The following TXNDC11 variants were observed in gnomAD, a reference collection of about 807,000 sequenced individuals.
TXNDC11 encodes the protein thioredoxin domain containing 11.
A neutral mutation model predicts 78.0 loss-of-function variants in TXNDC11; 68 were observed. The ratio of observed to expected loss-of-function variants is 0.87; its 90% CI spans 0.72 to 1.07. The LOEUF (loss-of-function observed/expected upper bound fraction) is 1.07. Ranked by LOEUF, TXNDC11 falls within the 50% of genes least tolerant of loss-of-function variation. TXNDC11 has a pLI of 0.00. For missense variants in TXNDC11, 1,389 were observed against 1,221.8 expected, an observed-to-expected ratio of 1.14 and a Z score of -2.04; for synonymous variants, 571 against 495.2, an observed-to-expected ratio of 1.15 and a Z score of -2.03.
At chr16:11,717,108 G>GA (rs200390869) in intron 5 of TXNDC11, among the ~76,000 whole-genome samples, 2,969 of 132,602 alleles carry the variant, frequency 0.022, 37 homozygotes, top group Non-Finnish European at 0.027. Context: ...AGATTTTCAG[G>GA]AAAAAAAAAA....
intron 5 of TXNDC11, chr16:11,703,631 G>A: frequency 1.4e-6 from 1 of 700,774 alleles, no homozygotes; most frequent in Non-Finnish European, 2.6e-6. Context: ...CTACTGAGAA[G>A]ACCTAGAAGT....
chr16:11,702,858 C>T (rs976971625), intron 5 of TXNDC11, among the ~76,000 whole-genome samples: 5 of 152,110 alleles, frequency 3.3e-5, no homozygotes, highest in Non-Finnish European at 7.3e-5. Context: ...GAGTGGCCGA[C>T]AAGGATGAGG....
chr16:11,721,535 T>G, intron 5 of TXNDC11, 42 bp downstream of exon 5: 2 of 1,113,264 alleles, frequency 1.8e-6, no homozygotes, highest in Non-Finnish European at 2.7e-6. Flanking sequence ...TAAGTAACAA[T>G]TCTACTGAAG....
At chr16:11,712,579 A>T (rs1012610535) in intron 5 of TXNDC11, among the ~76,000 whole-genome samples, 5 of 152,210 alleles carry the variant, frequency 3.3e-5, no homozygotes, top group African/African-American at 1.2e-4. Context: ...GAATTATTTA[A>T]TAAGAAATCG....
At chr16:11,681,998 TCAA>T (rs2050437361) in intron 11 of TXNDC11, among the ~76,000 whole-genome samples, 1 of 152,236 alleles carries the variant, frequency 6.6e-6, no homozygotes, top group Non-Finnish European at 1.5e-5. Context: ...TGTTAACACC[TCAA>T]CATTTTCCCC....
At chr16:11,734,175 TCTCA>T in intron 2 of TXNDC11, 96 bp from the exon 3 acceptor site, 2 of 820,896 alleles carry the variant, frequency 2.4e-6, no homozygotes, top group South Asian at 3.0e-5. Flanking sequence ...ATGATTCCTC[TCTCA>T]CTGAAACAGA....
chr16:11,687,869 A>G lies in TXNDC11; in HGVS notation c.2141T>C (p.Phe714Ser). The change falls in exon 10 of 12, where the codon TTC (phenylalanine) becomes TCC (serine). Residue 714 changes from phenylalanine (F) to serine (S), a missense_variant. Coordinates refer to ENST00000283033, the MANE Select transcript of TXNDC11 (RefSeq NM_015914.7). ...GAGGCCTGCTTACCTTGCCACAGTG[A>G]ATGTGTCCATGGGCAGGTTCCGAGC... ...QLARNLPMDT[F>S]TVARIDVSQN... 6.2e-7 allele frequency: 1 copy of G among 1,612,658 alleles called. No individual in the cohort carries two copies. Among genetic ancestry groups the G allele is most frequent in the South Asian group, 1.1e-5 (1 of 90,994 alleles).
chr16:11,701,157 G>A (rs1319853059), intron 5 of TXNDC11, among the ~76,000 whole-genome samples: 2 of 82,600 alleles, frequency 2.4e-5, no homozygotes, highest in East Asian at 7.8e-4. Context: ...TTTTTTTTGA[G>A]ATGGAGTCTC....
At chr16:11,728,076 CTT>C (rs2051937134) in intron 4 of TXNDC11, among the ~76,000 whole-genome samples, 7 of 152,164 alleles carry the variant, frequency 4.6e-5, no homozygotes, top group Admixed American at 4.6e-4. Flanking sequence ...GAAACCCTAA[CTT>C]AGCAGAATAT....
intron 5 of TXNDC11, among the ~76,000 whole-genome samples, chr16:11,702,767 G>A (rs542840538): frequency 6.6e-6 from 1 of 152,206 alleles, no homozygotes; most frequent in African/African-American, 2.4e-5. Context: ...TAAAAATATT[G>A]AGGTGTTAAA....
At chr16:11,738,945 T>A (rs1567356492) in intron 1 of TXNDC11, among the ~76,000 whole-genome samples, 1 of 151,994 alleles carries the variant, frequency 6.6e-6, no homozygotes. Context: ...GAGAATCGCT[T>A]GAACACGGGA....
chr16:11,691,690 GCTATAGGAAGTTAAAAAATTGCTGCATT>G lies in TXNDC11; in HGVS notation c.1472_1499del (p.Glu491AlafsTer13). 1 of 1,614,174 alleles carries G rather than the reference GCTATAGGAAGTTAAAAAATTGCTGCATT, an allele frequency of 6.2e-7. No individual in the cohort carries two copies. The highest frequency in any genetic ancestry group is 8.5e-7 in the Non-Finnish European group (1 of 1,180,038). Reference sequence around the variant, plus strand: ...AACATGCAGTGTAGTAGCTGAAGGGGCTATAGGAAGTTAAAAAATTGCTGCATTCTATGCTGTCTGATGCCACATGATA... The same window carrying G: ...AACATGCAGTGTAGTAGCTGAAGGGGCTATGCTGTCTGATGCCACATGATA... On this transcript the variant is annotated frameshift_variant, in exon 8 of 12. Coordinates refer to ENST00000283033, the MANE Select transcript of TXNDC11 (RefSeq NM_015914.7). LOFTEE classifies it high-confidence loss of function.
intron 5 of TXNDC11, among the ~76,000 whole-genome samples, chr16:11,712,438 C>T (rs942128808): frequency 1.4e-4 from 21 of 152,148 alleles, no homozygotes; most frequent in African/African-American, 5.1e-4. Context: ...TGTCACAGAC[C>T]CATCACTAAA....
intron 7 of TXNDC11, 64 bp downstream of exon 7, chr16:11,698,061 G>A (rs571253610): frequency 4.0e-5 from 59 of 1,489,146 alleles, no homozygotes; most frequent in African/African-American, 2.6e-4. Context: ...TGTGGGATGA[G>A]AGGAGCCAGG....
chr16:11,684,484 T>C (rs772793255), intron 10 of TXNDC11, among the ~76,000 whole-genome samples: 2 of 152,082 alleles, frequency 1.3e-5, no homozygotes, highest in African/African-American at 2.4e-5. Context: ...AAAGTAAAAA[T>C]GAACTTGCAG....
intron 4 of TXNDC11, among the ~76,000 whole-genome samples, chr16:11,727,885 CT>C (rs2051931320): frequency 6.6e-6 from 1 of 152,144 alleles, no homozygotes; most frequent in Non-Finnish European, 1.5e-5. Context: ...ATTTTGCCCC[CT>C]GAGGGGTATT....
chr16:11,711,104 G>C (rs1228458369), intron 5 of TXNDC11, among the ~76,000 whole-genome samples: 1 of 151,996 alleles, frequency 6.6e-6, no homozygotes, highest in African/African-American at 2.4e-5. Context: ...TAGGAAGGCA[G>C]ACATTAGGCA....
intron 1 of TXNDC11, among the ~76,000 whole-genome samples, chr16:11,739,397 G>A (rs534662559): frequency 1.3e-5 from 2 of 152,280 alleles, no homozygotes; most frequent in African/African-American, 4.8e-5. Flanking sequence ...CCAGTAGCAT[G>A]TGCCTATAGT....
intron 1 of TXNDC11, among the ~76,000 whole-genome samples, chr16:11,736,447 G>A (rs1387427745): frequency 6.6e-6 from 1 of 152,342 alleles, no homozygotes; most frequent in South Asian, 2.1e-4. Context: ...TCCCCTAGGT[G>A]TAGGCTGGAA....
Sources: allele counts gnomAD v4.1 joint callset (sites outside exome capture counted in the v4.1 genomes callset), GRCh38; gene constraint gnomAD v4.1.1; transcripts MANE v1.5; gene names NCBI Gene and HGNC (gene_info 2026-07-23, HGNC 2026-07-21).